Variants in NHSL1 observed in about 807,000 individuals in gnomAD.
The protein encoded by NHSL1 is NHS-like protein 1.
NHSL1 carries 48 observed loss-of-function variants against 95.0 expected under a neutral mutation model. That is an observed-to-expected ratio of 0.51 (90% CI 0.40 to 0.64). The LOEUF is 0.64. Among genes scored for constraint, NHSL1 ranks in the 30% least tolerant of loss-of-function variants. NHSL1 has a pLI of 0.00. For missense variants in NHSL1, 1,971 were observed against 2,077.7 expected (o/e 0.95, Z 1.00); for synonymous variants, 783 against 833.9 (o/e 0.94, Z 1.05).
upstream of NHSL1, among the ~76,000 whole-genome samples, chr6:138,504,424 G>T: frequency 6.6e-6 from 1 of 152,204 alleles, no homozygotes; most frequent in East Asian, 1.9e-4. Context: ...AGATGATGGT[G>T]AAGTTCCTAG....
At chr6:138,567,424 T>C (rs555506553) in intron 1 of NHSL1, among the ~76,000 whole-genome samples, 11 of 152,318 alleles carry the variant, frequency 7.2e-5, no homozygotes, top group African/African-American at 2.6e-4. Context: ...CCACCACGCC[T>C]GGCCCAGGAA....
intron 1 of NHSL1, among the ~76,000 whole-genome samples, chr6:138,517,061 G>A (rs1247994408): frequency 6.6e-6 from 1 of 152,190 alleles, no homozygotes; most frequent in African/African-American, 2.4e-5. Context: ...GATGAGAAAG[G>A]GATGGAAGTA....
rs77248330 is a variant in NHSL1 at position 138,603,641 on chromosome 6, T to C, written c.96+88835A>G. On this transcript the variant is annotated intron_variant, in intron 1 of 3. Coordinates refer to the NHSL1 transcript ENST00000491526. ...ACTTGAAAATTACCACTATAAATTA[T>C]TGTAGATATAGTCAGACTTATTTTA... Among the ~76,000 whole-genome samples, 16 of 152,352 alleles carry C rather than the reference T, an allele frequency of 1.1e-4. No homozygotes were observed. The East Asian group carries it at 2.3e-3, about 22-fold the overall frequency.
chr6:138,615,896 C>T (rs1784572433), intron 1 of NHSL1, among the ~76,000 whole-genome samples: 1 of 145,762 alleles, frequency 6.9e-6, no homozygotes, highest in South Asian at 2.3e-4. Context: ...TATAACTGTA[C>T]TGACTTAGAT....
chr6:138,556,390 C>CTGTCAT (rs1156865436), intron 1 of NHSL1, among the ~76,000 whole-genome samples: 1 of 152,072 alleles, frequency 6.6e-6, no homozygotes, highest in Non-Finnish European at 1.5e-5. Flanking sequence ...AACAATGCTT[C>CTGTCAT]TGTCATTGTT....
At chr6:138,671,419 C>CA (rs751861211) in intron 1 of NHSL1, among the ~76,000 whole-genome samples, 4 of 149,768 alleles carry the variant, frequency 2.7e-5, no homozygotes, top group South Asian at 2.1e-4. Context: ...CACTGCACTC[C>CA]AGGCTGGGCA....
exon 1 of NHSL1, chr6:138,572,531 T>C (rs1783877766): frequency 1.3e-5 from 2 of 152,406 alleles, no homozygotes; most frequent in Admixed American, 1.3e-4. Context: ...TTCCCGTCTG[T>C]GAAGCGCTCG....
upstream of NHSL1, among the ~76,000 whole-genome samples, chr6:138,550,128 A>G (rs1034714122): frequency 2.0e-5 from 3 of 151,872 alleles, no homozygotes; most frequent in Non-Finnish European, 4.4e-5. Flanking sequence ...AATCCCAGCT[A>G]CTCCGGAAGC....
chr6:138,481,940 G>A (rs1485465613), intron 2 of NHSL1, among the ~76,000 whole-genome samples: 1 of 152,122 alleles, frequency 6.6e-6, no homozygotes, highest in Non-Finnish European at 1.5e-5. Context: ...TGTCTTTAAC[G>A]AGTAAGCCCA....
chr6:138,611,003 A>C (rs1394393903), intron 1 of NHSL1, among the ~76,000 whole-genome samples: 1 of 152,028 alleles, frequency 6.6e-6, no homozygotes, highest in Non-Finnish European at 1.5e-5. Flanking sequence ...ACTTGAACTC[A>C]GAAGGTGGAG....
chr6:138,519,511 C>T (rs746434196), intron 1 of NHSL1, among the ~76,000 whole-genome samples: 4 of 152,022 alleles, frequency 2.6e-5, no homozygotes, highest in Non-Finnish European at 5.9e-5. Context: ...CATCACAATA[C>T]ATGAATAATT....
Position 138,499,333 on chromosome 6 carries a change from A to C in NHSL1, c.-43T>G. 6.5e-7 allele frequency: 1 copy of C among 1,547,978 alleles called. No individual in the cohort carries two copies. The highest frequency in any genetic ancestry group is 1.2e-5 in the South Asian group (1 of 83,848). On this transcript the variant is annotated 5_prime_UTR_variant, in exon 1 of 8. Transcript: ENST00000343505. Reference sequence around the variant, plus strand: ...AGAGCTTAGAAATGTAAATCACATTAAAAGCTCAGCCCAGTAGGCAGGTGG... The same window carrying C: ...AGAGCTTAGAAATGTAAATCACATTCAAAGCTCAGCCCAGTAGGCAGGTGG...
At chr6:138,514,368 T>TA (rs998964478) in intron 1 of NHSL1, among the ~76,000 whole-genome samples, 45 of 151,660 alleles carry the variant, frequency 3.0e-4, no homozygotes, top group African/African-American at 6.3e-4. Context: ...CTTAGGATGT[T>TA]AAAAAAAATA....
intron 3 of NHSL1, among the ~76,000 whole-genome samples, chr6:138,465,387 A>G (rs1401259000): frequency 6.6e-6 from 1 of 152,136 alleles, no homozygotes; most frequent in African/African-American, 2.4e-5. Context: ...ACCATCTCCT[A>G]ACTAACTCCC....
At chr6:138,540,807 C>T (rs1371639801) in intron 1 of NHSL1, among the ~76,000 whole-genome samples, 1 of 152,176 alleles carries the variant, frequency 6.6e-6, no homozygotes, top group African/African-American at 2.4e-5. Flanking sequence ...TCGGGGCATG[C>T]AGGCAGCTGG....
At chr6:138,520,478 TG>T (rs1304118096) in intron 1 of NHSL1, among the ~76,000 whole-genome samples, 1 of 151,738 alleles carries the variant, frequency 6.6e-6, no homozygotes, top group East Asian at 1.9e-4. Context: ...TTAGTAGAGA[TG>T]GGGTTTCACC....
chr6:138,469,096 T>TTGGA lies in NHSL1; in HGVS notation c.339+4206_339+4209dup, dbSNP rs1264386184. 6.6e-5 allele frequency among the ~76,000 whole-genome samples: 10 copies of TTGGA among 152,296 alleles called. No individual in the cohort carries two copies. In the Middle Eastern group the frequency reaches 0.024, roughly 363 times the overall value. ...TGACCACCACTGCTGGCTGTACAGC[T>TTGGA]TGGATGCATCCGTGCATCACAGTGA... On this transcript the variant is annotated intron_variant, in intron 3 of 7. Transcript: ENST00000343505.
At chr6:138,683,688 G>A (rs375260242) in intron 1 of NHSL1, among the ~76,000 whole-genome samples, 2 of 152,222 alleles carry the variant, frequency 1.3e-5, no homozygotes, top group East Asian at 1.9e-4. Context: ...ACACTGCCAC[G>A]CGATGTTTGG....
intron 1 of NHSL1, among the ~76,000 whole-genome samples, chr6:138,533,909 G>A (rs375177035): frequency 3.3e-5 from 5 of 152,156 alleles, no homozygotes; most frequent in Admixed American, 2.0e-4. Flanking sequence ...CAGTCACCAC[G>A]AAGCTGAGAC....
Sources: allele counts gnomAD v4.1 joint callset (sites outside exome capture counted in the v4.1 genomes callset), GRCh38; gene constraint gnomAD v4.1.1; transcripts MANE v1.5; gene names NCBI Gene and HGNC (gene_info 2026-07-23, HGNC 2026-07-21).